SLC29A1: variants seen among roughly 807,000 people sequenced by gnomAD.
SLC29A1 encodes the protein equilibrative nucleoside transporter 1.
In SLC29A1, 22 loss-of-function variants were observed where a neutral mutation model predicts 48.3. The ratio of observed to expected loss-of-function variants is 0.46; its 90% CI spans 0.33 to 0.65. The LOEUF (loss-of-function observed/expected upper bound fraction) is 0.65. Ranked by LOEUF, SLC29A1 falls within the 30% of genes least tolerant of loss-of-function variation. The pLI, the probability that SLC29A1 is intolerant of heterozygous loss-of-function variation, is 0.03. For missense variants in SLC29A1, 491 were observed against 575.3 expected (o/e 0.85, Z 1.50); for synonymous variants, 228 against 231.0 (o/e 0.99, Z 0.12).
At chr6:44,220,505 A>G (rs1036463836), upstream of SLC29A1, among the ~76,000 whole-genome samples, 4 of 151,810 alleles carry the variant, frequency 2.6e-5, no homozygotes, top group African/African-American at 9.7e-5. Flanking sequence ...TGATTTGTAG[A>G]CATTGCATTA....
At position 44,229,977 on chromosome 6, in the gene SLC29A1, C is replaced by G; in HGVS notation, c.385C>G (p.Leu129Val). The change falls in exon 5 of 13, where the codon CTG becomes GTG. Residue 129 changes from leucine to valine, a missense_variant. Physicochemically the swap from Leu to Val is conservative, Grantham distance 32. Transcript: ENST00000371755. This position sits in a 1 kb window ranked among gnomAD's most constrained non-coding sequence, Gnocchi z 5.1. ...ILLVFLITAI[L>V]VKVQLDALPF... ...GCTGGTGTTTCTGATCACTGCCATC[C>G]TGGTGAAGGTGCAGCTGGATGCTCT... 1.2e-6 allele frequency: 2 copies of G among 1,612,992 alleles called. No individual in the cohort carries two copies. The highest frequency in any genetic ancestry group is 1.7e-6 in the Non-Finnish European group (2 of 1,179,982).
At chr6:44,226,168 G>A in intron 1 of SLC29A1, 1 of 965,398 alleles carries the variant, frequency 1.0e-6, no homozygotes, top group Non-Finnish European at 1.2e-6. Flanking sequence ...TGGGCACCTG[G>A]TGAGTGCCCA....
At position 44,232,750 on chromosome 6, in the gene SLC29A1, G is replaced by A. The variant is rs1779178338; in HGVS notation, c.1060-57G>A. On this transcript the variant is annotated intron_variant, in intron 11 of 12. Transcript: ENST00000371755. The surrounding 1 kb of genome is among the most constrained non-coding windows in gnomAD (Gnocchi z 4.7). ...GAGGGGCCCCAGATGGATCCTTGGG[G>A]GCCTGGCTGTGCCCTGGGGTGGCGG... 3 of 1,548,278 alleles carry A rather than the reference G, an allele frequency of 1.9e-6. No homozygotes were observed. The highest frequency in any genetic ancestry group is 2.6e-6 in the Non-Finnish European group (3 of 1,135,514).
At chr6:44,221,544 G>A (rs1248303963), upstream of SLC29A1, 1 of 1,041,070 alleles carries the variant, frequency 9.6e-7, no homozygotes, top group Admixed American at 2.3e-5. This position sits in a 1 kb window ranked among gnomAD's most constrained non-coding sequence, Gnocchi z 4.2. Context: ...GTAGAGTAGA[G>A]GTGCAGCAGG....
At chr6:44,225,437 C>A (rs1262934456) in intron 1 of SLC29A1, among the ~76,000 whole-genome samples, 1 of 147,252 alleles carries the variant, frequency 6.8e-6, no homozygotes, top group Non-Finnish European at 1.5e-5. Flanking sequence ...ACCTGGGAGG[C>A]AGAATTTGCA....
chr6:44,228,158 C>T (rs1181914059), intron 2 of SLC29A1, among the ~76,000 whole-genome samples: 1 of 152,198 alleles, frequency 6.6e-6, no homozygotes, highest in African/African-American at 2.4e-5. Flanking sequence ...TAAGTCCAGG[C>T]CCCAGGTTGC....
In SLC29A1 at chr6:44,233,427, C is replaced by G. The variant is rs544881367; in HGVS notation, c.1270C>G (p.Pro424Ala). Residue 424 changes from proline to alanine, a missense_variant, in exon 13 of 13, where the codon CCA becomes GCA. Coordinates refer to ENST00000371755, the MANE Select transcript of SLC29A1 (RefSeq NM_001372327.1). ...CMCFGPKKVK[P>A]AEAETAGAIM... ...TCCTTCCCCGCTTAGGAAAGTGAAGCCAGCTGAGGCAGAGACCGCAGGAGC... is the reference window on the plus strand; with the variant it reads ...TCCTTCCCCGCTTAGGAAAGTGAAGGCAGCTGAGGCAGAGACCGCAGGAGC... 6.2e-7 allele frequency: 1 copy of G among 1,613,796 alleles called. No homozygotes were observed. The highest frequency in any genetic ancestry group is 1.1e-5 in the South Asian group (1 of 91,080).
At chr6:44,233,131 A>C in intron 12 of SLC29A1, 125 bp downstream of exon 12, 4 of 1,054,822 alleles carry the variant, frequency 3.8e-6, no homozygotes, top group African/African-American at 1.6e-5. Flanking sequence ...GAGATGGCTC[A>C]GGAGGGGCTC....
chr6:44,224,990 A>G (rs1777167377), intron 1 of SLC29A1, among the ~76,000 whole-genome samples: 1 of 152,202 alleles, frequency 6.6e-6, no homozygotes, highest in African/African-American at 2.4e-5. Context: ...CAGAGAGAGC[A>G]GGGGTGTAGC....
intron 8 of SLC29A1, 100 bp from the exon 9 acceptor site, chr6:44,231,264 G>T (rs925372917): frequency 6.5e-6 from 5 of 774,158 alleles, no homozygotes; most frequent in South Asian, 4.5e-5. Context: ...GGTTAAGGAG[G>T]CGTCTACTTT....
In SLC29A1 at chr6:44,223,612, C is replaced by G; in HGVS notation, c.-81C>G. The G allele has an allele frequency of 8.2e-7, 1 of 1,215,774 alleles. No individual in the cohort carries two copies. The highest frequency in any genetic ancestry group is 9.7e-5 in the East Asian group (1 of 10,316). The allele number at this position is 1,215,774 out of a possible 1,614,324, so 75.3% of individuals were successfully genotyped here. On this transcript the variant is annotated 5_prime_UTR_variant, in exon 1 of 13. It adds an upstream start codon to the 5' untranslated region. Transcript: ENST00000371755. The surrounding 1 kb of genome is among the most constrained non-coding windows in gnomAD (Gnocchi z 5.0). ...GAAGCTGCAGCGAGAGCGCGCGGAT[C>G]TCAGCGCGGGAGCAGTGCTTCTGCG...
intron 2 of SLC29A1, among the ~76,000 whole-genome samples, chr6:44,228,171 C>T (rs1777987896): frequency 6.6e-6 from 1 of 152,210 alleles, no homozygotes; most frequent in Admixed American, 6.5e-5. Context: ...CAGGTTGCTT[C>T]CCTGCCTCCT....
chr6:44,224,017 TG>T (rs1240103798), intron 1 of SLC29A1: 31 of 811,820 alleles, frequency 3.8e-5, no homozygotes, highest in Admixed American at 6.3e-5. Context: ...GGGATGGGGA[TG>T]GGGATGGAGG....
chr6:44,229,625 T>C lies in SLC29A1; in HGVS notation c.148T>C (p.Ser50Pro). ...CCGCCTGGACATGTCCCAGAATGTG[T>C]CCTTGGTCACTGCTGAACTGAGCAA... ...TNRLDMSQNV[S>P]LVTAELSKDA... is the part of the protein sequence containing the mutation. Residue 50 changes from serine to proline, a missense_variant, in exon 4 of 13, where the codon TCC becomes CCC. Coordinates refer to ENST00000371755, the MANE Select transcript of SLC29A1 (RefSeq NM_001372327.1). The surrounding 1 kb of genome is among the most constrained non-coding windows in gnomAD (Gnocchi z 5.1). The C allele has an allele frequency of 6.2e-7, 1 of 1,614,094 alleles. No individual in the cohort carries two copies. Among genetic ancestry groups the C allele is most frequent in the Non-Finnish European group, 8.5e-7 (1 of 1,179,968 alleles).
chr6:44,231,025 G>A (rs1778738268), intron 8 of SLC29A1, 136 bp downstream of exon 8: 3 of 727,440 alleles, frequency 4.1e-6, no homozygotes, highest in Middle Eastern at 7.5e-4. Context: ...ACTACAGCAG[G>A]GAGAGGGGGA....
intron 9 of SLC29A1, 139 bp downstream of exon 9, chr6:44,231,600 C>A: frequency 1.5e-6 from 1 of 645,208 alleles, no homozygotes; most frequent in Non-Finnish European, 2.8e-6. Flanking sequence ...TGCGTGCGTG[C>A]CCATGCGTGC....
At position 44,229,903 on chromosome 6, in the gene SLC29A1, G is replaced by T; in HGVS notation, c.315-4G>T. The T allele has an allele frequency of 6.2e-7, 1 of 1,612,856 alleles. No homozygotes were observed. ...TCTCTGCCACCCTTGGCCTCTCCCG[G>T]CAGGATCCCCCAGTCCGTACGGATC... On this transcript the variant is annotated splice_polypyrimidine_tract_variant and splice_region_variant and intron_variant, in intron 4 of 12. Transcript: ENST00000371755. The surrounding 1 kb of genome is among the most constrained non-coding windows in gnomAD (Gnocchi z 5.1).
intron 2 of SLC29A1, among the ~76,000 whole-genome samples, chr6:44,227,609 C>T (rs1198153061): frequency 1.3e-5 from 2 of 152,204 alleles, no homozygotes; most frequent in African/African-American, 2.4e-5. Flanking sequence ...TAGCGGCTTT[C>T]GGCTCCTCCC....
intron 1 of SLC29A1, 139 bp from the exon 2 acceptor site, chr6:44,227,124 A>C: frequency 1.4e-6 from 2 of 1,402,212 alleles, no homozygotes; most frequent in South Asian, 2.9e-5. Context: ...AGTCGTCCTG[A>C]GGGGCAGGGT....
Sources: allele counts gnomAD v4.1 joint callset (sites outside exome capture counted in the v4.1 genomes callset), GRCh38; gene constraint gnomAD v4.1.1; non-coding constraint Gnocchi (gnomAD v3.1); transcripts MANE v1.5; gene names NCBI Gene and HGNC (gene_info 2026-07-23, HGNC 2026-07-21).